Variants in RALYL observed in about 807,000 individuals in gnomAD.
RALYL encodes the protein RNA-binding Raly-like protein.
A neutral mutation model predicts 35.1 loss-of-function variants in RALYL; 29 were observed. The ratio of observed to expected loss-of-function variants is 0.83; its 90% CI spans 0.61 to 1.13. RALYL has a LOEUF of 1.13. Among genes scored for constraint, RALYL ranks in the 50% most tolerant of loss-of-function variants. The probability of loss-of-function intolerance (pLI) is 0.00; values close to 1 mark genes in which losing one functional copy is unlikely to be tolerated. For synonymous variants in RALYL, 120 were observed against 127.6 expected (o/e 0.94, Z 0.40); for missense variants, 359 against 360.4 (o/e 1.00, Z 0.03).
chr8:84,243,501 C>CTTTTTTTTTTT (rs34469585), intron 1 of RALYL, among the ~76,000 whole-genome samples: 1 of 97,482 alleles, frequency 1.0e-5, no homozygotes, highest in African/African-American at 4.1e-5. Flanking sequence ...CTCTCTCACA[C>CTTTTTTTTTTT]TTTTTTTTTT....
intron 1 of RALYL, among the ~76,000 whole-genome samples, chr8:84,425,189 A>G (rs1341668944): frequency 1.3e-5 from 2 of 152,064 alleles, no homozygotes; most frequent in African/African-American, 4.8e-5. Flanking sequence ...CTGCTGTGCT[A>G]GCAATCAGCG....
At chr8:84,314,247 T>G (rs913188179) in intron 1 of RALYL, among the ~76,000 whole-genome samples, 1 of 152,026 alleles carries the variant, frequency 6.6e-6, no homozygotes, top group African/African-American at 2.4e-5. Flanking sequence ...ATCCCTCCCT[T>G]GACACGTAGG....
At chr8:84,611,320 A>C (rs1564232998) in intron 2 of RALYL, among the ~76,000 whole-genome samples, 1 of 152,120 alleles carries the variant, frequency 6.6e-6, no homozygotes, top group Non-Finnish European at 1.5e-5. Flanking sequence ...ATAAATGTTT[A>C]TATACACATT....
chr8:84,652,760 C>T (rs1294897255), intron 2 of RALYL, among the ~76,000 whole-genome samples: 1 of 152,034 alleles, frequency 6.6e-6, no homozygotes, highest in Non-Finnish European at 1.5e-5. Flanking sequence ...CAATCTGTCT[C>T]TGGGGCCCAT....
chr8:84,228,840 A>G (rs1255911899), intron 1 of RALYL, among the ~76,000 whole-genome samples: 5 of 152,144 alleles, frequency 3.3e-5, no homozygotes, highest in Non-Finnish European at 7.3e-5. Context: ...GCCCCTTGTA[A>G]AACCATCAGA....
At chr8:84,370,603 T>C (rs537612614) in intron 1 of RALYL, among the ~76,000 whole-genome samples, 21 of 151,882 alleles carry the variant, frequency 1.4e-4, no homozygotes, top group African/African-American at 4.8e-4. Context: ...AAAAGGAAAA[T>C]ACGAGAGCAG....
intron 1 of RALYL, among the ~76,000 whole-genome samples, chr8:84,219,928 TG>T (rs1410461937): frequency 6.6e-6 from 1 of 152,066 alleles, no homozygotes. Context: ...ATTCTTCTGA[TG>T]CCTTGTGATG....
At chr8:84,327,654 A>G (rs1425173871) in intron 1 of RALYL, among the ~76,000 whole-genome samples, 1 of 152,002 alleles carries the variant, frequency 6.6e-6, no homozygotes, top group East Asian at 1.9e-4. Flanking sequence ...ACAAAGCCCA[A>G]AATCCTTTCT....
chr8:84,324,009 A>C (rs904727435), intron 1 of RALYL, among the ~76,000 whole-genome samples: 1 of 152,182 alleles, frequency 6.6e-6, no homozygotes, highest in African/African-American at 2.4e-5. Context: ...CATGTAATAT[A>C]GTTATTAGTG....
At chr8:84,388,406 A>G (rs1859768440) in intron 1 of RALYL, among the ~76,000 whole-genome samples, 2 of 152,198 alleles carry the variant, frequency 1.3e-5, no homozygotes, top group African/African-American at 4.8e-5. Flanking sequence ...TAGATCCCTG[A>G]GGAATCGCCA....
chr8:84,436,908 T>C lies in RALYL; in HGVS notation c.-23-92391T>C, dbSNP rs200431082. Among the ~76,000 whole-genome samples, 6 of 152,028 alleles carry C rather than the reference T, an allele frequency of 3.9e-5. No homozygotes were observed. In the East Asian group the frequency reaches 9.7e-4, roughly 24 times the overall value. On this transcript the variant is annotated intron_variant, in intron 1 of 8. Transcript: ENST00000521268. ...CAAGTTTTGTTTTAGATTTAAGAGG[T>C]ATATCTGCAGATTTCTTACATGGGT...
At position 84,859,861 on chromosome 8, in the gene RALYL, G is replaced by A. The variant is rs559882232; in HGVS notation, c.414-2435G>A. On this transcript the variant is annotated intron_variant, in intron 5 of 8. Coordinates refer to ENST00000521268, the MANE Select transcript of RALYL (RefSeq NM_173848.7). ...CTCTGTCTCAAAAAAACAAGAGAGA[G>A]AGAAAGAAAATTAGTCATTTTCCTT... Among the ~76,000 whole-genome samples the A allele has an allele frequency of 2.6e-5, 4 of 152,088 alleles. No homozygotes were observed. In the South Asian group the frequency reaches 8.3e-4, roughly 32 times the overall value.
At chr8:84,501,494 C>T (rs1353303674) in intron 1 of RALYL, among the ~76,000 whole-genome samples, 2 of 151,918 alleles carry the variant, frequency 1.3e-5, no homozygotes, top group East Asian at 3.9e-4. Context: ...CCACATGTAT[C>T]CTATTTGACA....
rs1009539511 is a variant in RALYL at position 84,843,663 on chromosome 8, A to G, written c.366-6317A>G. ...AAAAAAGAGCCCACATTGCCAAGTC[A>G]ATCCTAAGCCAAAAGAACAAAGCTG... On this transcript the variant is annotated intron_variant, in intron 4 of 8. Transcript: ENST00000521268. Among the ~76,000 whole-genome samples the G allele has an allele frequency of 9.2e-5, 14 of 152,372 alleles. No individual in the cohort carries two copies. In the South Asian group the frequency reaches 1.0e-3, roughly 11 times the overall value.
chr8:84,674,124 C>CT (rs1833765754), intron 2 of RALYL, among the ~76,000 whole-genome samples: 1 of 151,860 alleles, frequency 6.6e-6, no homozygotes, highest in Admixed American at 6.6e-5. Context: ...GTATTTTATC[C>CT]TTTTTGTGAC....
intron 1 of RALYL, among the ~76,000 whole-genome samples, chr8:84,218,444 T>A (rs1821362748): frequency 6.6e-6 from 1 of 152,048 alleles, no homozygotes; most frequent in South Asian, 2.1e-4. Flanking sequence ...TGCCTTCAAT[T>A]GCAAAATATG....
At chr8:84,529,928 G>T (rs1406215416) in intron 2 of RALYL, among the ~76,000 whole-genome samples, 1 of 152,062 alleles carries the variant, frequency 6.6e-6, no homozygotes, top group East Asian at 1.9e-4. Context: ...AACTTCACTT[G>T]TCATACTTAT....
chr8:84,730,716 C>T (rs1846004035), intron 2 of RALYL, among the ~76,000 whole-genome samples: 1 of 151,998 alleles, frequency 6.6e-6, no homozygotes, highest in African/African-American at 2.4e-5. Flanking sequence ...TTCTGAGCAG[C>T]ACCATGGGAC....
At chr8:84,396,034 G>A (rs1025911498) in intron 1 of RALYL, among the ~76,000 whole-genome samples, 2 of 151,780 alleles carry the variant, frequency 1.3e-5, no homozygotes, top group African/African-American at 4.8e-5. Context: ...TTAGCATATT[G>A]CTTTGACTAT....
Sources: gnomAD v4.1 joint callset for allele counts (sites outside exome capture counted in the v4.1 genomes callset) on GRCh38, gnomAD v4.1.1 for gene constraint, MANE v1.5 for transcripts, NCBI Gene and HGNC (gene_info 2026-07-23, HGNC 2026-07-21) for gene names.